DNM1L: variants seen among roughly 807,000 people sequenced by gnomAD.
DNM1L encodes the protein dynamin 1L.
A neutral mutation model predicts 92.8 loss-of-function variants in DNM1L; 33 were observed. The ratio of observed to expected loss-of-function variants is 0.36; its 90% confidence interval spans 0.27 to 0.48. The LOEUF is 0.48. Ranked by LOEUF, DNM1L falls within the 20% of genes least tolerant of loss-of-function variation. The probability of loss-of-function intolerance (pLI) is 0.99; values close to 1 mark genes in which losing one functional copy is unlikely to be tolerated. For synonymous variants in DNM1L, 284 were observed against 305.0 expected (o/e 0.93, Z 0.72); for missense variants, 485 against 888.8 (o/e 0.55, Z 5.78).
intron 1 of DNM1L, among the ~76,000 whole-genome samples, chr12:32,681,261 A>G (rs1465376232): frequency 2.6e-5 from 4 of 152,218 alleles, no homozygotes; most frequent in Admixed American, 2.6e-4. Context: ...AGTTCTTATT[A>G]GCTGATAATC....
At chr12:32,739,173 T>C (rs1037681461) in intron 16 of DNM1L, among the ~76,000 whole-genome samples, 22 of 152,286 alleles carry the variant, frequency 1.4e-4, no homozygotes, top group African/African-American at 5.1e-4. Context: ...TTAGCAAATA[T>C]TTTGATTCAG....
rs143502160 is a variant in DNM1L, at chr12:32,720,692, A to C, written c.769A>C (p.Ser257Arg). The change falls in exon 8 of 20, where the codon AGT (serine) becomes CGT (arginine). Residue 257 changes from serine to arginine, a missense_variant. This residue lies in a region of DNM1L where 159 missense variants were observed against 275.9 expected (regional missense o/e 0.58). Coordinates refer to ENST00000549701, the MANE Select transcript of DNM1L (RefSeq NM_012062.5). Reference sequence around the variant, plus strand: ...CCAGCTAGATATTAACAACAAGAAGAGTGTAACTGATTCAATCCGTGATGA... The same window carrying C: ...CCAGCTAGATATTAACAACAAGAAGCGTGTAACTGATTCAATCCGTGATGA... ...RSQLDINNKK[S>R]VTDSIRDEYA... The C allele has an allele frequency of 8.1e-6, 13 of 1,613,784 alleles. No individual in the cohort carries two copies. The African/African-American group carries it at 1.6e-4, about 20-fold the overall frequency.
At chr12:32,679,640 C>A in intron 1 of DNM1L, 175 bp downstream of exon 1, 1 of 1,327,142 alleles carries the variant, frequency 7.5e-7, no homozygotes, top group Non-Finnish European at 9.6e-7. Context: ...CACCCGCCCT[C>A]CCGGGGCAGC....
rs886942122 is a variant in DNM1L, at chr12:32,743,970, C to T, written c.*560C>T. 7.0e-5 allele frequency: 11 copies of T among 156,706 alleles called. No individual in the cohort carries two copies. Among genetic ancestry groups the T allele is most frequent in the South Asian group, 1.9e-4 (1 of 5,178 alleles). 9.7% of individuals were successfully genotyped at this position (156,706 alleles called of 1,614,324 possible). A position where few individuals can be genotyped will look rare whatever the true frequency, so the allele number is the denominator to read the frequency against. ...TGTGTTTTTAAGAAAGCTGAATGCA[C>T]AAGAGGATCTGTGACACTGACATGG... On this transcript the variant is annotated 3_prime_UTR_variant, in exon 20 of 20. Transcript: ENST00000549701.
chr12:32,718,761 C>T lies in DNM1L; in HGVS notation c.738C>T (p.Asn246=). The T allele has an allele frequency of 6.2e-7, 1 of 1,613,600 alleles. No homozygotes were observed. The highest frequency in any genetic ancestry group is 8.5e-7 in the Non-Finnish European group (1 of 1,179,704). Reference sequence around the variant, plus strand: ...AACTTGGAATAATTGGAGTAGTTAACAGGTTAGCAGTTAGAATGGGATAAG... The same window carrying T: ...AACTTGGAATAATTGGAGTAGTTAATAGGTTAGCAGTTAGAATGGGATAAG... ...PVKLGIIGVV[N]RSQLDINNKK... The change falls in exon 7 of 20, where the codon AAC becomes AAT. Residue 246 remains asparagine, a splice_region_variant and synonymous_variant. Coordinates refer to ENST00000549701, the MANE Select transcript of DNM1L (RefSeq NM_012062.5).
chr12:32,736,945 T>C (rs1954925622), intron 13 of DNM1L, 160 bp from the exon 14 acceptor site: 1 of 706,366 alleles, frequency 1.4e-6, no homozygotes. Flanking sequence ...GTTAAATGAT[T>C]TCTTATTTAT....
intron 2 of DNM1L, 65 bp downstream of exon 2, chr12:32,701,627 A>G (rs985801445): frequency 7.0e-7 from 1 of 1,425,534 alleles, no homozygotes; most frequent in African/African-American, 1.4e-5. Context: ...TTAAAAAGAT[A>G]TGAATTGATT....
intron 1 of DNM1L, chr12:32,680,131 C>A: frequency 3.3e-6 from 2 of 615,122 alleles, no homozygotes; most frequent in Non-Finnish European, 4.1e-6. Flanking sequence ...TCTGCGTAGG[C>A]TGTGCTTTTT....
At position 32,743,511 on chromosome 12, in the gene DNM1L, A is replaced by AT. The variant is rs2137621181; in HGVS notation, c.*102dup. 8.8e-7 allele frequency: 1 copy of AT among 1,135,280 alleles called. No individual in the cohort carries two copies. The highest frequency in any genetic ancestry group is 2.4e-5 in the East Asian group (1 of 41,478). 70.3% of individuals were successfully genotyped at this position (1,135,280 alleles called of 1,614,324 possible). A position where few individuals can be genotyped will look rare whatever the true frequency, so the allele number is the denominator to read the frequency against. ...ATGAACTCCTGTGTATTGCAATGGT[A>AT]TGAATCTGCTCATGTGGAGACTGGC... On this transcript the variant is annotated 3_prime_UTR_variant, in exon 20 of 20. Transcript: ENST00000549701.
At chr12:32,724,482 A>G (rs1291586087) in intron 9 of DNM1L, among the ~76,000 whole-genome samples, 1 of 150,590 alleles carries the variant, frequency 6.6e-6, no homozygotes, top group Non-Finnish European at 1.5e-5. Flanking sequence ...AGGCTGAGGC[A>G]GGAGAATCGC....
At chr12:32,737,048 A>G (rs1001162446) in intron 13 of DNM1L, 57 bp from the exon 14 acceptor site, 10 of 1,584,940 alleles carry the variant, frequency 6.3e-6, no homozygotes, top group Admixed American at 3.4e-5. Flanking sequence ...AACATTTTTT[A>G]GTAGGCATAT....
At chr12:32,693,137 C>T (rs1214535291) in intron 1 of DNM1L, among the ~76,000 whole-genome samples, 1 of 152,144 alleles carries the variant, frequency 6.6e-6, no homozygotes, top group Admixed American at 6.5e-5. Context: ...AATTTACATT[C>T]CCATCAACAG....
intron 18 of DNM1L, among the ~76,000 whole-genome samples, chr12:32,741,266 T>G (rs1955266322): frequency 6.6e-6 from 1 of 152,236 alleles, no homozygotes; most frequent in Non-Finnish European, 1.5e-5. Flanking sequence ...TTCCATTTGT[T>G]TCCTTCCTTG....
At chr12:32,736,470 CTTTGATAATA>C (rs1954888565) in intron 13 of DNM1L, among the ~76,000 whole-genome samples, 1 of 152,134 alleles carries the variant, frequency 6.6e-6, no homozygotes, top group Admixed American at 6.5e-5. Context: ...GTACAAGTTA[CTTTGATAATA>C]TTAGCAAATT....
In DNM1L at chr12:32,743,427, C is replaced by T. The variant is rs779041368; in HGVS notation, c.*17C>T. The stretch of plus-strand genomic sequence containing the variant: ...CTTTGGTGAAGAGAACTATGTAATA[C>T]TGAGACTTTGTTGACTCAAAACTTG... On this transcript the variant is annotated 3_prime_UTR_variant, in exon 20 of 20. Transcript: ENST00000549701. The T allele has an allele frequency of 1.9e-6, 3 of 1,613,214 alleles. No individual in the cohort carries two copies. In the South Asian group the frequency reaches 3.3e-5, roughly 18 times the overall value.
chr12:32,717,291 A>G (rs1592621744), intron 6 of DNM1L, among the ~76,000 whole-genome samples: 1 of 95,556 alleles, frequency 1.0e-5, no homozygotes, highest in African/African-American at 4.4e-5. Flanking sequence ...TATACACTAT[A>G]TATTTTATAT....
At position 32,744,948 on chromosome 12, in the gene DNM1L, C is replaced by T. The variant is rs1565553048; in HGVS notation, c.*1538C>T. Reference sequence around the variant, plus strand: ...CAACACATTTATATTGCAGATATTACTTTTTTTTCAGTTTATGACCAGGTA... The same window carrying T: ...CAACACATTTATATTGCAGATATTATTTTTTTTTCAGTTTATGACCAGGTA... On this transcript the variant is annotated 3_prime_UTR_variant, in exon 20 of 20. Coordinates refer to ENST00000549701, the MANE Select transcript of DNM1L (RefSeq NM_012062.5). 1 of 513,868 alleles carries T rather than the reference C, an allele frequency of 1.9e-6. No homozygotes were observed. The highest frequency in any genetic ancestry group is 1.5e-5 in the South Asian group (1 of 68,924). The allele number at this position is 513,868 out of a possible 1,614,324, so 31.8% of individuals were successfully genotyped here.
chr12:32,692,438 A>G (rs1346309277), intron 1 of DNM1L: 1 of 152,220 alleles, frequency 6.6e-6, no homozygotes, highest in Non-Finnish European at 1.5e-5. Context: ...ACTGGGGTTT[A>G]GGAGCTATAT....
intron 1 of DNM1L, among the ~76,000 whole-genome samples, chr12:32,694,408 A>G (rs1952353903): frequency 1.3e-5 from 2 of 152,216 alleles, no homozygotes; most frequent in Non-Finnish European, 2.9e-5. Context: ...TCATATAAAC[A>G]GGGTCAAATA....
Sources: allele counts gnomAD v4.1 joint callset (sites outside exome capture counted in the v4.1 genomes callset), GRCh38; gene constraint gnomAD v4.1.1; regional missense constraint gnomAD v4.1.1; transcripts MANE v1.5; gene names NCBI Gene and HGNC (gene_info 2026-07-23, HGNC 2026-07-21).